PRKDC: variants seen among roughly 807,000 people sequenced by gnomAD.
PRKDC encodes the protein protein kinase, DNA-activated, catalytic subunit.
PRKDC carries 82 observed loss-of-function variants against 486.9 expected under a neutral mutation model. The observed-to-expected ratio is 0.17, with a 90% CI of 0.14 to 0.20. The LOEUF (loss-of-function observed/expected upper bound fraction) is 0.20. PRKDC is among the 10% of genes least tolerant of loss of function. The pLI, the probability that PRKDC is intolerant of heterozygous loss-of-function variation, is 1.00. For synonymous variants in PRKDC, 1,895 were observed against 1,837.0 expected, an observed-to-expected ratio of 1.03 and a Z score of -0.81; for missense variants, 4,504 against 5,038.2, an observed-to-expected ratio of 0.89 and a Z score of 3.21.
Position 47,794,516 on chromosome 8 carries a change from T to G in PRKDC, c.10459-15A>C. The G allele has an allele frequency of 6.4e-7, 1 of 1,554,688 alleles. No individual in the cohort carries two copies. Among genetic ancestry groups the G allele is most frequent in the Non-Finnish European group, 8.8e-7 (1 of 1,130,156 alleles). On this transcript the variant is annotated splice_polypyrimidine_tract_variant and intron_variant, in intron 73 of 85. Coordinates refer to ENST00000314191, the MANE Select transcript of PRKDC (RefSeq NM_006904.7). ...ACGGAAGAGATCTAAAACAGAGAGC[T>G]GAAACTTAATGCTGAGTAAAACATC...
At chr8:47,865,120 G>A (rs2088777322) in intron 40 of PRKDC, among the ~76,000 whole-genome samples, 1 of 152,180 alleles carries the variant, frequency 6.6e-6, no homozygotes, top group South Asian at 2.1e-4. Context: ...GGGCGTGGTG[G>A]CTCACGCCTG....
In PRKDC at chr8:47,857,272, G is replaced by A; in HGVS notation, c.6493C>T (p.Leu2165Phe). 6.2e-7 allele frequency: 1 copy of A among 1,613,392 alleles called. No individual in the cohort carries two copies. ...GCAGCCAGCTGCAGCAAGGGGCTAA[G>A]CCAGTGCTTCGCGTAAGGGCGAAAG... is the stretch of plus-strand genomic sequence containing the variant. ...EVFRPYAKHW[L>F]SPLLQLAASE... The change falls in exon 49 of 86, where the codon CTT (leucine) becomes TTT (phenylalanine). Residue 2165 changes from leucine (L) to phenylalanine (F), a missense_variant. Transcript: ENST00000314191.
Position 47,858,969 on chromosome 8 carries a change from C to T in PRKDC, c.6225G>A (p.Thr2075=), listed in dbSNP as rs764734598. The stretch of plus-strand genomic sequence containing the variant: ...CCAGCTCCAGCACATCATCATGCAC[C>T]GTGGGGTCCCGCTGCTCCTGCGAAA... ...RFRRREQRDP[T]VHDDVLELEM... Residue 2075 remains threonine, a synonymous_variant, in exon 47 of 86, where the codon ACG becomes ACA. Transcript: ENST00000314191. The T allele has an allele frequency of 1.2e-5, 20 of 1,612,918 alleles. No individual in the cohort carries two copies. The highest frequency in any genetic ancestry group is 6.7e-5 in the East Asian group (3 of 44,888).
At chr8:47,844,809 G>C (rs1428907777) in intron 54 of PRKDC, among the ~76,000 whole-genome samples, 1 of 152,106 alleles carries the variant, frequency 6.6e-6, no homozygotes, top group Middle Eastern at 3.4e-3. Context: ...ACAAAATTAA[G>C]GCAAGAATCA....
intron 7 of PRKDC, among the ~76,000 whole-genome samples, 165 bp from the exon 8 acceptor site, chr8:47,944,194 A>G (rs995770808): frequency 6.6e-6 from 1 of 152,198 alleles, no homozygotes; most frequent in Non-Finnish European, 1.5e-5. Context: ...TTACTGCTGC[A>G]CGGTTATGAC....
At chr8:47,905,519 C>T (rs2089763588) in intron 25 of PRKDC, among the ~76,000 whole-genome samples, 1 of 152,134 alleles carries the variant, frequency 6.6e-6, no homozygotes, top group Non-Finnish European at 1.5e-5. Flanking sequence ...ACAATCTAGT[C>T]GCTATTCAAC....
At chr8:47,944,897 T>C (rs1291756024) in intron 7 of PRKDC, among the ~76,000 whole-genome samples, 1 of 152,188 alleles carries the variant, frequency 6.6e-6, no homozygotes, top group African/African-American at 2.4e-5. Flanking sequence ...TCTGTATGGT[T>C]GCAGAATGGT....
chr8:47,848,377 C>T (rs1287447655), intron 54 of PRKDC, among the ~76,000 whole-genome samples: 1 of 152,086 alleles, frequency 6.6e-6, no homozygotes, highest in Non-Finnish European at 1.5e-5. Context: ...TGAACTAGTA[C>T]AGAAACAGAA....
Position 47,859,544 on chromosome 8 carries a change from G to T in PRKDC, c.6207+67C>A, listed in dbSNP as rs1483113325. On this transcript the variant is annotated intron_variant, in intron 46 of 85. Transcript: ENST00000314191. ...ACTGGCTTCCTGTAGTAACAGCAAG[G>T]CATAGCTGTGACCCCCTTTCTTCAC... The T allele has an allele frequency of 2.6e-6, 4 of 1,540,960 alleles. No individual in the cohort carries two copies. In the African/African-American group the frequency reaches 4.1e-5, roughly 16 times the overall value.
chr8:47,820,592 G>A, intron 66 of PRKDC, 127 bp downstream of exon 66: 1 of 583,370 alleles, frequency 1.7e-6, no homozygotes, highest in Admixed American at 4.4e-5. Context: ...AATTTTTGTT[G>A]ATTTTTTTCA....
rs755082882 is a variant in PRKDC at position 47,882,079 on chromosome 8, C to T, written c.4795G>A (p.Gly1599Ser). Residue 1599 changes from glycine to serine, a missense_variant, in exon 37 of 86, where the codon GGC becomes AGC. By Grantham distance (56) the Gly-to-Ser change is moderately conservative. Around this residue, in one of 6 missense-constraint regions of PRKDC, gnomAD observed 1,969 missense variants for 2,068.9 expected, o/e 0.95. Coordinates refer to ENST00000314191, the MANE Select transcript of PRKDC (RefSeq NM_006904.7). Reference protein sequence around the residue: ...NTKMVSAVLNGMLDQSFRERA... With the variant: ...NTKMVSAVLNSMLDQSFRERA... ...TCCCTGAAGCTCTGGTCTAACATGC[C>T]GTTCAAAACGGCACTCACCTGAGAC... 6 of 1,612,512 alleles carry T rather than the reference C, an allele frequency of 3.7e-6. No homozygotes were observed. The highest frequency in any genetic ancestry group is 3.3e-5 in the Admixed American group (2 of 59,726).
At chr8:47,788,853 T>C (rs550467488) in intron 76 of PRKDC, 53 bp downstream of exon 76, 46 of 1,456,112 alleles carry the variant, frequency 3.2e-5, no homozygotes, top group Middle Eastern at 2.2e-4. Context: ...AATGTAACTA[T>C]TGACTGTCAC....
At position 47,898,551 on chromosome 8, in the gene PRKDC, C is replaced by T; in HGVS notation, c.3383G>A (p.Cys1128Tyr). 1 of 1,502,520 alleles carries T rather than the reference C, an allele frequency of 6.7e-7. No homozygotes were observed. Among genetic ancestry groups the T allele is most frequent in the Non-Finnish European group, 9.0e-7 (1 of 1,107,188 alleles). The allele number at this position is 1,502,520 out of a possible 1,614,324, so 93.1% of individuals were successfully genotyped here. Residue 1128 changes from cysteine (C) to tyrosine (Y), a missense_variant, in exon 29 of 86, where the codon TGT becomes TAT. This residue lies in a region of PRKDC where 1,969 missense variants were observed against 2,068.9 expected (regional missense o/e 0.95). Transcript: ENST00000314191. ...GCGGCATAGGTGATCAATGGCATCA[C>T]AACACTGTTGAATTGTACCTGTTCT... ...EKSLGTIQQC[C>Y]DAIDHLCRII... is the part of the protein sequence containing the mutation.
intron 40 of PRKDC, among the ~76,000 whole-genome samples, chr8:47,876,293 A>G (rs531457570): frequency 6.6e-6 from 1 of 152,356 alleles, no homozygotes; most frequent in South Asian, 2.1e-4. Flanking sequence ...TTCAATATAG[A>G]TAAATGCCAA....
intron 11 of PRKDC, among the ~76,000 whole-genome samples, chr8:47,937,517 A>G (rs1166075368): frequency 6.6e-6 from 1 of 152,132 alleles, no homozygotes; most frequent in East Asian, 1.9e-4. Flanking sequence ...CACCAGAGCC[A>G]TTTTTTCAGA....
intron 74 of PRKDC, among the ~76,000 whole-genome samples, chr8:47,790,845 A>C (rs1280103902): frequency 6.6e-6 from 1 of 152,226 alleles, no homozygotes; most frequent in Non-Finnish European, 1.5e-5. Flanking sequence ...GTCCTGGGAA[A>C]ACTGGGTATC....
chr8:47,812,120 C>T (rs1388092649), intron 68 of PRKDC, among the ~76,000 whole-genome samples: 1 of 152,082 alleles, frequency 6.6e-6, no homozygotes, highest in Non-Finnish European at 1.5e-5. Flanking sequence ...TACCTAATAA[C>T]AGAATCAAAA....
At chr8:47,815,541 A>AATT (rs2087425447) in intron 68 of PRKDC, among the ~76,000 whole-genome samples, 2 of 152,228 alleles carry the variant, frequency 1.3e-5, no homozygotes, top group Non-Finnish European at 2.9e-5. Flanking sequence ...CTGTTGGCCA[A>AATT]ATCTGAGATA....
rs2088479092 is a variant in PRKDC at position 47,854,072 on chromosome 8, C to T, written c.6893+11G>A. The T allele has an allele frequency of 6.2e-7, 1 of 1,613,420 alleles. No individual in the cohort carries two copies. Among genetic ancestry groups the T allele is most frequent in the African/African-American group, 1.3e-5 (1 of 75,028 alleles). On this transcript the variant is annotated intron_variant, in intron 51 of 85. Coordinates refer to ENST00000314191, the MANE Select transcript of PRKDC (RefSeq NM_006904.7). ...AGACGTGACCTAAAAAATAATCAAG[C>T]AAACACGTACTCGCTACTCTGGATG... is the stretch of plus-strand genomic sequence containing the variant.
Sources: allele counts gnomAD v4.1 joint callset (sites outside exome capture counted in the v4.1 genomes callset), GRCh38; gene constraint gnomAD v4.1.1; regional missense constraint gnomAD v4.1.1; transcripts MANE v1.5; gene names NCBI Gene and HGNC (gene_info 2026-07-23, HGNC 2026-07-21).